The following PCSK2 variants were observed in gnomAD, a reference collection of about 807,000 sequenced individuals.
PCSK2 encodes the protein neuroendocrine convertase 2.
Under a neutral mutation model 69.7 loss-of-function variants are expected in PCSK2, and 14 were observed. The ratio of observed to expected loss-of-function variants is 0.20; its 90% CI spans 0.13 to 0.31. The LOEUF is 0.31. PCSK2 is among the 10% of genes least tolerant of loss of function. PCSK2 has a pLI of 1.00. For missense variants in PCSK2, 544 were observed against 842.5 expected (o/e 0.65, Z 4.39); for synonymous variants, 307 against 320.7 (o/e 0.96, Z 0.46).
intron 1 of PCSK2, among the ~76,000 whole-genome samples, chr20:17,233,657 A>G (rs1325261629): frequency 6.6e-6 from 1 of 152,138 alleles, no homozygotes; most frequent in Admixed American, 6.5e-5. Context: ...GCCATGGGAA[A>G]CTCAGACATT....
intron 6 of PCSK2, among the ~76,000 whole-genome samples, chr20:17,410,396 G>A (rs942474085): frequency 6.6e-6 from 1 of 152,156 alleles, no homozygotes; most frequent in African/African-American, 2.4e-5. Flanking sequence ...CAGTGGACAG[G>A]AAGCTTAGAT....
chr20:17,481,967 G>A lies in PCSK2; in HGVS notation c.1814G>A (p.Arg605Gln), dbSNP rs764761906. Residue 605 changes from arginine (R) to glutamine (Q), a missense_variant, in exon 12 of 12, where the codon CGG becomes CAG. Transcript: ENST00000262545. ...GCCCCGTACATCGACCAGGTGGTGC[G>A]GGATTACCAGTCCAAGTTGGCCATG... ...QSAPYIDQVV[R>Q]DYQSKLAMSK... 14 of 1,612,952 alleles carry A rather than the reference G, an allele frequency of 8.7e-6. No individual in the cohort carries two copies. The highest frequency in any genetic ancestry group is 3.3e-5 in the South Asian group (3 of 90,988).
intron 6 of PCSK2, among the ~76,000 whole-genome samples, chr20:17,424,275 T>A (rs566833293): frequency 4.1e-4 from 63 of 152,296 alleles, no homozygotes; most frequent in African/African-American, 1.5e-3. Flanking sequence ...GAAGCCAATT[T>A]TACATAGATC....
chr20:17,326,733 G>A (rs149392363), intron 2 of PCSK2, among the ~76,000 whole-genome samples: 81 of 152,356 alleles, frequency 5.3e-4, no homozygotes, highest in African/African-American at 1.8e-3. Flanking sequence ...CCTTATTACA[G>A]TCTTACAAAT....
intron 2 of PCSK2, among the ~76,000 whole-genome samples, chr20:17,348,006 AAG>A (rs1165500870): frequency 8.8e-6 from 1 of 113,908 alleles, no homozygotes; most frequent in East Asian, 2.0e-4. Flanking sequence ...AAGAGAAAGA[AAG>A]AAAGAGAGAA....
At chr20:17,465,240 AAT>A (rs1439102473) in intron 10 of PCSK2, 84 bp from the exon 11 acceptor site, 2 of 904,840 alleles carry the variant, frequency 2.2e-6, no homozygotes, top group African/African-American at 3.3e-5. Flanking sequence ...TGTCCTGAGT[AAT>A]ATTTCTCTTA....
intron 2 of PCSK2, among the ~76,000 whole-genome samples, chr20:17,323,237 C>T (rs548090661): frequency 2.6e-5 from 4 of 152,220 alleles, no homozygotes; most frequent in African/African-American, 9.6e-5. Flanking sequence ...ACATTCAGAC[C>T]ATAGCAAATA....
intron 8 of PCSK2, among the ~76,000 whole-genome samples, chr20:17,441,963 A>T (rs1311919446): frequency 1.3e-5 from 2 of 150,334 alleles, no homozygotes; most frequent in African/African-American, 4.9e-5. Flanking sequence ...ATGATGTCAT[A>T]TTGGAGTAGG....
intron 4 of PCSK2, among the ~76,000 whole-genome samples, chr20:17,365,747 A>G (rs1215462709): frequency 6.6e-6 from 1 of 152,264 alleles, no homozygotes; most frequent in East Asian, 1.9e-4. Context: ...AGAAGAAAGG[A>G]GTAACAGGTC....
chr20:17,328,536 G>A (rs1425101189), intron 2 of PCSK2, among the ~76,000 whole-genome samples: 2 of 151,806 alleles, frequency 1.3e-5, no homozygotes, highest in South Asian at 2.1e-4. Flanking sequence ...TAGCAGTGGG[G>A]ATATTTGTAA....
rs1016876628 is a variant in PCSK2 at position 17,227,197 on chromosome 20, A to AT, written c.-102dup. The AT allele has an allele frequency of 4.9e-5, 35 of 718,560 alleles. No homozygotes were observed. In the East Asian group the frequency reaches 7.8e-4, roughly 16 times the overall value. 44.5% of individuals were successfully genotyped at this position (718,560 alleles called of 1,614,324 possible). On this transcript the variant is annotated 5_prime_UTR_variant, in exon 1 of 12. Transcript: ENST00000262545. ...GTTCAGTCTCTTTCTCTATACAAAG[A>AT]TTTTTTTAAAAACTATATATAAGAA... is the stretch of plus-strand genomic sequence containing the variant.
At chr20:17,428,096 A>G (rs985186633) in intron 6 of PCSK2, among the ~76,000 whole-genome samples, 3 of 152,214 alleles carry the variant, frequency 2.0e-5, no homozygotes, top group African/African-American at 7.2e-5. Context: ...GTTTCTTCCC[A>G]TATGTTCCTC....
chr20:17,316,412 T>C (rs1989691512), intron 2 of PCSK2, among the ~76,000 whole-genome samples: 1 of 152,228 alleles, frequency 6.6e-6, no homozygotes, highest in African/African-American at 2.4e-5. Context: ...AAATATCATG[T>C]AAGCAAGCAC....
chr20:17,456,620 C>G (rs1320100776), intron 10 of PCSK2, among the ~76,000 whole-genome samples, 172 bp downstream of exon 10: 1 of 152,214 alleles, frequency 6.6e-6, no homozygotes, highest in Non-Finnish European at 1.5e-5. Context: ...CCCACCAGCA[C>G]ACGTGCGTGT....
chr20:17,347,938 A>G lies in PCSK2; in HGVS notation c.283-10389A>G, dbSNP rs56112550. On this transcript the variant is annotated intron_variant, in intron 2 of 11. Transcript: ENST00000262545. ...AAAGAAAGGAGAGAGAAAAAAGAGA[A>G]AGAAAGAAAGAAAGAAAGAAAGAGA... Among the ~76,000 whole-genome samples the G allele has an allele frequency of 3.3e-4, 7 of 20,942 alleles. 2 individuals are homozygous for G. The highest frequency in any genetic ancestry group is 1.1e-3 in the African/African-American group (5 of 4,480). The allele number at this position is 20,942 out of a possible 152,430, so 13.7% of individuals were successfully genotyped here.
chr20:17,476,290 T>C (rs1220194698), intron 11 of PCSK2, among the ~76,000 whole-genome samples: 1 of 152,190 alleles, frequency 6.6e-6, no homozygotes, highest in East Asian at 1.9e-4. Flanking sequence ...AAATTCAACA[T>C]ACATAAACAA....
chr20:17,291,370 TTTG>T (rs1197705834), intron 2 of PCSK2, among the ~76,000 whole-genome samples: 1 of 152,156 alleles, frequency 6.6e-6, no homozygotes, highest in Non-Finnish European at 1.5e-5. Context: ...CTTCCTTGTT[TTTG>T]TTGTGTTTTG....
At chr20:17,318,622 A>T (rs1317445196) in intron 2 of PCSK2, among the ~76,000 whole-genome samples, 1 of 152,198 alleles carries the variant, frequency 6.6e-6, no homozygotes, top group East Asian at 1.9e-4. Context: ...CATTTTCCAA[A>T]CAATATGGTC....
intron 1 of PCSK2, among the ~76,000 whole-genome samples, chr20:17,234,559 C>A (rs186269946): frequency 1.3e-5 from 2 of 152,106 alleles, no homozygotes; most frequent in Non-Finnish European, 2.9e-5. Flanking sequence ...TCCCCAACTT[C>A]GATATTATCA....
Sources: gnomAD v4.1 joint callset for allele counts (sites outside exome capture counted in the v4.1 genomes callset) on GRCh38, gnomAD v4.1.1 for gene constraint, MANE v1.5 for transcripts, NCBI Gene and HGNC (gene_info 2026-07-23, HGNC 2026-07-21) for gene names.